C8orf34: variants seen among roughly 807,000 people sequenced by gnomAD.
The protein encoded by C8orf34 is uncharacterized protein C8orf34.
A neutral mutation model predicts 68.3 loss-of-function variants in C8orf34; 65 were observed. The ratio of observed to expected loss-of-function variants is 0.95; its 90% CI spans 0.78 to 1.17. C8orf34 has a LOEUF of 1.17. Among genes scored for constraint, C8orf34 ranks in the 50% most tolerant of loss-of-function variants. The probability of loss-of-function intolerance (pLI) is 0.00; values close to 1 mark genes in which losing one functional copy is unlikely to be tolerated. For missense variants in C8orf34, 664 were observed against 655.4 expected, an observed-to-expected ratio of 1.01 and a Z score of -0.14; for synonymous variants, 244 against 241.2, an observed-to-expected ratio of 1.01 and a Z score of -0.11.
intron 1 of C8orf34, among the ~76,000 whole-genome samples, chr8:68,436,836 G>A (rs1779853442): frequency 6.6e-6 from 1 of 152,106 alleles, no homozygotes; most frequent in Non-Finnish European, 1.5e-5. Context: ...TACCTCTGCG[G>A]CTCTAATTTC....
chr8:68,621,984 A>T (rs74372842), intron 7 of C8orf34, among the ~76,000 whole-genome samples: 1,655 of 152,284 alleles, frequency 0.011, 31 homozygotes, highest in African/African-American at 0.038. Flanking sequence ...CATGGTTGTG[A>T]TCAAGATTCC....
At position 68,788,001 on chromosome 8, in the gene C8orf34, G is replaced by A. The variant is rs561975018; in HGVS notation, c.1549+465G>A. 2.0e-5 allele frequency among the ~76,000 whole-genome samples: 3 copies of A among 152,236 alleles called. No individual in the cohort carries two copies. In the East Asian group the frequency reaches 5.8e-4, roughly 29 times the overall value. On this transcript the variant is annotated intron_variant, in intron 12 of 13. Transcript: ENST00000518698. ...ATTATAAGATAACTGAAAACAAGTA[G>A]ACTAATGGCTCTTGGTTCAAGTCAC...
intron 10 of C8orf34, among the ~76,000 whole-genome samples, chr8:68,760,238 G>T (rs1385579076): frequency 6.6e-6 from 1 of 152,096 alleles, no homozygotes; most frequent in Non-Finnish European, 1.5e-5. Flanking sequence ...GGAGTGGCAG[G>T]TCATAATGAA....
At chr8:68,372,052 A>C (rs542128062) in intron 1 of C8orf34, among the ~76,000 whole-genome samples, 1 of 152,296 alleles carries the variant, frequency 6.6e-6, no homozygotes, top group African/African-American at 2.4e-5. Context: ...CATGTCACAT[A>C]ATTGTTAGTA....
At chr8:68,460,672 C>T (rs540446528) in intron 3 of C8orf34, among the ~76,000 whole-genome samples, 2 of 152,314 alleles carry the variant, frequency 1.3e-5, no homozygotes, top group Admixed American at 6.5e-5. Context: ...TGCTGATACC[C>T]AGGCAAACAG....
At chr8:68,619,233 G>A (rs948160487) in intron 7 of C8orf34, among the ~76,000 whole-genome samples, 43 of 152,170 alleles carry the variant, frequency 2.8e-4, no homozygotes, top group African/African-American at 1.0e-3. Flanking sequence ...AGCTGAGGTG[G>A]GAGGATCACT....
chr8:68,464,183 CCATT>C (rs1170484804), intron 3 of C8orf34, among the ~76,000 whole-genome samples: 1 of 151,960 alleles, frequency 6.6e-6, no homozygotes. Flanking sequence ...GAGTGAACTC[CCATT>C]CAAAGAGAAT....
intron 5 of C8orf34, among the ~76,000 whole-genome samples, chr8:68,498,688 T>C (rs879691024): frequency 6.6e-6 from 1 of 152,176 alleles, no homozygotes; most frequent in African/African-American, 2.4e-5. Flanking sequence ...ATATATATAA[T>C]GTAAGGTCCA....
intron 1 of C8orf34, among the ~76,000 whole-genome samples, chr8:68,421,187 G>A (rs1249269471): frequency 1.3e-5 from 2 of 152,144 alleles, no homozygotes; most frequent in East Asian, 1.9e-4. Flanking sequence ...CACTTTCCCT[G>A]TTCCTCTATT....
At chr8:68,616,780 G>A (rs1005215909) in intron 7 of C8orf34, among the ~76,000 whole-genome samples, 15 of 152,152 alleles carry the variant, frequency 9.9e-5, no homozygotes, top group Non-Finnish European at 1.8e-4. Context: ...ATCTGGGGTG[G>A]AGAGTTCTGT....
chr8:68,334,440 ATAT>A (rs1041400330), intron 1 of C8orf34, among the ~76,000 whole-genome samples: 3 of 151,126 alleles, frequency 2.0e-5, no homozygotes, highest in Non-Finnish European at 4.4e-5. Context: ...ATATATATAA[ATAT>A]TATATATAGT....
At position 68,752,450 on chromosome 8, in the gene C8orf34, A is replaced by G. The variant is rs75889750; in HGVS notation, c.1405-23949A>G. 5.4e-3 allele frequency among the ~76,000 whole-genome samples: 823 copies of G among 152,182 alleles called. 10 individuals are homozygous for G. Among genetic ancestry groups the G allele is most frequent in the African/African-American group, 0.018 (730 of 41,522 alleles). On this transcript the variant is annotated intron_variant, in intron 10 of 13. Transcript: ENST00000518698. Reference sequence around the variant, plus strand: ...GGTAGGGCCATCTTTCCCCAACTTTATACAATGACATCACATTGGTACCTT... The same window carrying G: ...GGTAGGGCCATCTTTCCCCAACTTTGTACAATGACATCACATTGGTACCTT...
intron 9 of C8orf34, among the ~76,000 whole-genome samples, chr8:68,720,345 A>G (rs1345490608): frequency 6.6e-6 from 1 of 151,922 alleles, no homozygotes; most frequent in African/African-American, 2.4e-5. Context: ...TTCAAAAGCT[A>G]TGATTTATTA....
intron 1 of C8orf34, among the ~76,000 whole-genome samples, chr8:68,366,669 T>C (rs1418175384): frequency 1.3e-5 from 2 of 148,746 alleles, no homozygotes; most frequent in South Asian, 2.1e-4. Flanking sequence ...ATTTAATAAA[T>C]GGTGCTGGGA....
intron 10 of C8orf34, among the ~76,000 whole-genome samples, chr8:68,765,445 AG>A (rs1324177334): frequency 6.6e-6 from 1 of 152,232 alleles, no homozygotes; most frequent in Non-Finnish European, 1.5e-5. Context: ...ACATAAACAC[AG>A]GTGGTGAGTT....
chr8:68,529,801 T>C (rs1217876048), intron 6 of C8orf34, among the ~76,000 whole-genome samples: 1 of 152,134 alleles, frequency 6.6e-6, no homozygotes, highest in African/African-American at 2.4e-5. Flanking sequence ...TAAACTGACA[T>C]TTGATTTATG....
chr8:68,573,428 TC>T (rs1816813302), intron 7 of C8orf34, among the ~76,000 whole-genome samples: 1 of 152,080 alleles, frequency 6.6e-6, no homozygotes, highest in African/African-American at 2.4e-5. Flanking sequence ...CCAACCCAGA[TC>T]CAGTCTGCAG....
chr8:68,774,889 C>T (rs1166282038), intron 10 of C8orf34, among the ~76,000 whole-genome samples: 2 of 146,590 alleles, frequency 1.4e-5, no homozygotes, highest in Admixed American at 6.9e-5. Context: ...GGCAGATTAC[C>T]TGAAGTCAGG....
intron 7 of C8orf34, among the ~76,000 whole-genome samples, chr8:68,582,094 A>G (rs1246291734): frequency 6.6e-6 from 1 of 152,180 alleles, no homozygotes; most frequent in Non-Finnish European, 1.5e-5. Flanking sequence ...GGGTAACCGG[A>G]GAAAGGCATA....
Sources: gnomAD v4.1 joint callset for allele counts (sites outside exome capture counted in the v4.1 genomes callset) on GRCh38, gnomAD v4.1.1 for gene constraint, MANE v1.5 for transcripts, NCBI Gene and HGNC (gene_info 2026-07-23, HGNC 2026-07-21) for gene names.